The following HDAC4 variants were observed in gnomAD, a reference collection of about 807,000 sequenced individuals.
The protein encoded by HDAC4 is histone deacetylase 4.
In HDAC4, 16 loss-of-function variants were observed where a neutral mutation model predicts 135.1. The observed-to-expected ratio is 0.12, with a 90% CI of 0.08 to 0.18. The LOEUF is 0.18. Among genes scored for constraint, HDAC4 ranks in the 10% least tolerant of loss-of-function variants. The probability of loss-of-function intolerance (pLI) is 1.00; values close to 1 mark genes in which losing one functional copy is unlikely to be tolerated. For missense variants in HDAC4, 1,143 were observed against 1,511.8 expected (o/e 0.76, Z 4.05); for synonymous variants, 685 against 653.4 (o/e 1.05, Z -0.74).
At chr2:239,325,864 C>G (rs1212094016) in intron 2 of HDAC4, among the ~76,000 whole-genome samples, 1 of 152,100 alleles carries the variant, frequency 6.6e-6, no homozygotes, top group East Asian at 1.9e-4. Context: ...ACTCGGGAGG[C>G]TGAAGCACGA....
intron 3 of HDAC4, among the ~76,000 whole-genome samples, chr2:239,215,796 T>G (rs983366943): frequency 5.9e-5 from 9 of 152,196 alleles, no homozygotes; most frequent in Non-Finnish European, 1.2e-4. Flanking sequence ...GAGGACGCGG[T>G]CATCAGTTCC....
chr2:239,381,830 T>C (rs986957079), intron 1 of HDAC4, among the ~76,000 whole-genome samples: 4 of 152,136 alleles, frequency 2.6e-5, no homozygotes, highest in Non-Finnish European at 4.4e-5. Context: ...CACTGACAAA[T>C]GTCCCCTGGG....
intron 14 of HDAC4, among the ~76,000 whole-genome samples, chr2:239,111,100 G>A (rs766074539): frequency 6.6e-6 from 1 of 152,238 alleles, no homozygotes; most frequent in Non-Finnish European, 1.5e-5. Flanking sequence ...ACAGCCCCCC[G>A]CCAGCCATTC....
At chr2:239,165,557 A>G (rs555510930) in intron 5 of HDAC4, among the ~76,000 whole-genome samples, 2 of 152,132 alleles carry the variant, frequency 1.3e-5, no homozygotes, top group African/African-American at 4.8e-5. Flanking sequence ...CTGTATCGAG[A>G]GCCTAGTATA....
intron 1 of HDAC4, among the ~76,000 whole-genome samples, chr2:239,380,734 C>T (rs372475081): frequency 1.3e-5 from 2 of 152,066 alleles, no homozygotes; most frequent in African/African-American, 4.8e-5. Flanking sequence ...ATTTAAAAGC[C>T]GGAAACACAC....
chr2:239,228,616 G>T (rs1000571907), intron 3 of HDAC4, among the ~76,000 whole-genome samples: 1 of 152,100 alleles, frequency 6.6e-6, no homozygotes, highest in Non-Finnish European at 1.5e-5. Context: ...AAAACAGAAC[G>T]ATCTGAAGGT....
At chr2:239,149,229 C>T (rs748133169) in intron 7 of HDAC4, among the ~76,000 whole-genome samples, 3 of 151,906 alleles carry the variant, frequency 2.0e-5, no homozygotes, top group African/African-American at 7.3e-5. Flanking sequence ...TGGTGAAACC[C>T]GTCTCTACTA....
chr2:239,334,964 G>T (rs1242226111), intron 2 of HDAC4, among the ~76,000 whole-genome samples: 1 of 142,708 alleles, frequency 7.0e-6, no homozygotes, highest in Non-Finnish European at 1.5e-5. Flanking sequence ...GGCGGAGCTT[G>T]CAGTGAGCCA....
chr2:239,208,201 C>T (rs1481028882), intron 3 of HDAC4, among the ~76,000 whole-genome samples: 1 of 151,348 alleles, frequency 6.6e-6, no homozygotes, highest in Non-Finnish European at 1.5e-5. Flanking sequence ...GTCGTGGGTG[C>T]CTGTAGTCCC....
rs913586187 is a variant in HDAC4 at position 239,299,034 on chromosome 2, A to G, written c.22+53644T>C. ...CAGGTGCCCGCCACCACGCCCAGCTAATTTTTTGTATTTTTAGTAGAGACG... is the reference window on the plus strand; with the variant it reads ...CAGGTGCCCGCCACCACGCCCAGCTGATTTTTTGTATTTTTAGTAGAGACG... On this transcript the variant is annotated intron_variant, in intron 2 of 26. Transcript: ENST00000543185. The surrounding 1 kb of genome is among the most constrained non-coding windows in gnomAD (Gnocchi z 4.0). Among the ~76,000 whole-genome samples, 1 of 151,890 alleles carries G rather than the reference A, an allele frequency of 6.6e-6. No homozygotes were observed. Among genetic ancestry groups the G allele is most frequent in the African/African-American group, 2.4e-5 (1 of 41,354 alleles).
chr2:239,157,490 A>G (rs911937130), intron 6 of HDAC4, among the ~76,000 whole-genome samples: 2 of 152,204 alleles, frequency 1.3e-5, no homozygotes, highest in Non-Finnish European at 2.9e-5. Flanking sequence ...TGCCAGGAGA[A>G]TGGCCGGAGG....
At chr2:239,189,620 G>A (rs575974339) in intron 4 of HDAC4, among the ~76,000 whole-genome samples, 15 of 152,284 alleles carry the variant, frequency 9.9e-5, no homozygotes, top group South Asian at 2.1e-4. Context: ...ACTTTGGACC[G>A]CCGTTCCCAC....
At chr2:239,324,354 C>A (rs2053407854) in intron 2 of HDAC4, among the ~76,000 whole-genome samples, 1 of 152,198 alleles carries the variant, frequency 6.6e-6, no homozygotes. Flanking sequence ...CGCACAGTAT[C>A]CTGAACAGAA....
At chr2:239,295,896 GCTCTGTCACCAA>G (rs1277107055) in intron 2 of HDAC4, among the ~76,000 whole-genome samples, 11 of 152,274 alleles carry the variant, frequency 7.2e-5, no homozygotes, top group African/African-American at 2.6e-4. Flanking sequence ...CCTCTTCACT[GCTCTGTCACCAA>G]CTCACACTTC....
intron 2 of HDAC4, among the ~76,000 whole-genome samples, chr2:239,241,479 G>A (rs567474513): frequency 2.6e-5 from 4 of 152,194 alleles, no homozygotes; most frequent in Admixed American, 2.0e-4. Context: ...CCCCCAGTTG[G>A]GTTGTCTTTT....
At chr2:239,195,448 G>A (rs2045315236) in intron 3 of HDAC4, among the ~76,000 whole-genome samples, 1 of 152,218 alleles carries the variant, frequency 6.6e-6, no homozygotes, top group Non-Finnish European at 1.5e-5. Context: ...GGAGCCGGGT[G>A]GGTGGGGATG....
intron 17 of HDAC4, chr2:239,094,799 C>T: frequency 7.0e-7 from 1 of 1,432,058 alleles, no homozygotes; most frequent in Non-Finnish European, 9.2e-7. Context: ...GCCACCTGCG[C>T]CAGACAACCT....
At chr2:239,323,174 A>T (rs2053369056) in intron 2 of HDAC4, among the ~76,000 whole-genome samples, 1 of 152,234 alleles carries the variant, frequency 6.6e-6, no homozygotes, top group Non-Finnish European at 1.5e-5. Flanking sequence ...AGGATTTTTA[A>T]ATACTGAAAT....
intron 16 of HDAC4, among the ~76,000 whole-genome samples, chr2:239,096,525 C>T (rs1276531784): frequency 9.2e-5 from 9 of 97,676 alleles, no homozygotes; most frequent in East Asian, 4.1e-4. Flanking sequence ...CCCCCATGGA[C>T]GCCAGTACCC....
Sources: allele counts gnomAD v4.1 joint callset (sites outside exome capture counted in the v4.1 genomes callset), GRCh38; gene constraint gnomAD v4.1.1; non-coding constraint Gnocchi (gnomAD v3.1); transcripts MANE v1.5; gene names NCBI Gene and HGNC (gene_info 2026-07-23, HGNC 2026-07-21).